ASIC2: variants seen among roughly 807,000 people sequenced by gnomAD.
ASIC2 encodes the protein acid-sensing ion channel 2.
Under a neutral mutation model 57.3 loss-of-function variants are expected in ASIC2, and 25 were observed. The observed-to-expected ratio is 0.44, with a 90% CI of 0.32 to 0.61. The LOEUF (loss-of-function observed/expected upper bound fraction) is 0.61, where lower values mean the gene tolerates loss of function less well. Among genes scored for constraint, ASIC2 ranks in the 20% least tolerant of loss-of-function variants. The pLI, the probability that ASIC2 is intolerant of heterozygous loss-of-function variation, is 0.06. For missense variants in ASIC2, 641 were observed against 738.1 expected (o/e 0.87, Z 1.52); for synonymous variants, 319 against 307.5 (o/e 1.04, Z -0.39).
intron 1 of ASIC2, among the ~76,000 whole-genome samples, chr17:34,016,852 G>T (rs1211075012): frequency 6.6e-6 from 1 of 152,164 alleles, no homozygotes. Flanking sequence ...AACAACAATT[G>T]TAAGTGCTTT....
chr17:33,875,542 C>T (rs1914525141), intron 1 of ASIC2, among the ~76,000 whole-genome samples: 1 of 152,206 alleles, frequency 6.6e-6, no homozygotes, highest in African/African-American at 2.4e-5. Flanking sequence ...TTTGTGTCTC[C>T]TTTACTTAAC....
At chr17:33,346,353 G>A (rs542541344) in intron 1 of ASIC2, among the ~76,000 whole-genome samples, 50 of 152,228 alleles carry the variant, frequency 3.3e-4, no homozygotes, top group African/African-American at 1.2e-3. Flanking sequence ...GGCTGGAGGA[G>A]AGGGCAGTGA....
chr17:33,494,591 AC>A (rs1217656659), intron 1 of ASIC2, among the ~76,000 whole-genome samples: 1 of 151,994 alleles, frequency 6.6e-6, no homozygotes, highest in Non-Finnish European at 1.5e-5. Flanking sequence ...CATTCAGAAA[AC>A]CCTCACGGCT....
intron 1 of ASIC2, among the ~76,000 whole-genome samples, chr17:33,249,034 A>T (rs953059501): frequency 6.6e-6 from 1 of 152,116 alleles, no homozygotes; most frequent in African/African-American, 2.4e-5. Context: ...GATGGTTTAG[A>T]TGGGATGGGA....
intron 1 of ASIC2, among the ~76,000 whole-genome samples, chr17:33,915,891 A>T (rs1915573707): frequency 6.6e-6 from 1 of 152,176 alleles, no homozygotes; most frequent in Non-Finnish European, 1.5e-5. Flanking sequence ...GATTGAAGGC[A>T]CACCAGGCCT....
chr17:33,166,709 G>C (rs971600464), intron 1 of ASIC2, among the ~76,000 whole-genome samples: 1 of 152,228 alleles, frequency 6.6e-6, no homozygotes, highest in Admixed American at 6.5e-5. Context: ...TGAGAGTCCA[G>C]ACCACAGGCA....
chr17:33,464,540 C>CTTTCTTTCTTTCTTTCTTTCTTTCTT (rs59312185), intron 1 of ASIC2, among the ~76,000 whole-genome samples: 3 of 49,404 alleles, frequency 6.1e-5, no homozygotes, highest in African/African-American at 2.4e-4. Flanking sequence ...TTCTTTCTTT[C>CTTTCTTTCTTTCTTTCTTTCTTTCTT]TCTTTCTTTC....
chr17:33,924,623 G>A (rs77744415), intron 1 of ASIC2, among the ~76,000 whole-genome samples: 2,689 of 152,220 alleles, frequency 0.018, 35 homozygotes, highest in Non-Finnish European at 0.028. Flanking sequence ...CTGTGGAGAC[G>A]CTGTCATCTT....
At chr17:33,490,566 A>T (rs908340030) in intron 1 of ASIC2, among the ~76,000 whole-genome samples, 1 of 152,120 alleles carries the variant, frequency 6.6e-6, no homozygotes, top group Non-Finnish European at 1.5e-5. Flanking sequence ...GTCTCATGAG[A>T]TCTGATGATT....
At chr17:33,155,227 C>A (rs1242556371) in intron 1 of ASIC2, among the ~76,000 whole-genome samples, 4 of 152,266 alleles carry the variant, frequency 2.6e-5, no homozygotes, top group Admixed American at 2.6e-4. Context: ...TGCTGGCTGA[C>A]CACGGCTGTT....
intron 1 of ASIC2, among the ~76,000 whole-genome samples, chr17:33,190,085 G>A (rs1906353841): frequency 1.3e-5 from 2 of 151,926 alleles, no homozygotes; most frequent in African/African-American, 2.4e-5. Flanking sequence ...TTGGAAAGGA[G>A]GAAGTAAAAC....
chr17:33,084,222 T>C (rs2092125430), intron 3 of ASIC2, among the ~76,000 whole-genome samples: 1 of 152,196 alleles, frequency 6.6e-6, no homozygotes, highest in South Asian at 2.1e-4. Context: ...CTTCTCATTT[T>C]ACAGATGGAA....
chr17:33,382,908 G>C (rs1254207695), intron 1 of ASIC2, among the ~76,000 whole-genome samples: 1 of 152,028 alleles, frequency 6.6e-6, no homozygotes, highest in Non-Finnish European at 1.5e-5. Context: ...TCCCAGACTT[G>C]CCATGTCTCT....
chr17:33,977,172 A>G (rs1231124680), intron 1 of ASIC2, among the ~76,000 whole-genome samples: 2 of 152,058 alleles, frequency 1.3e-5, no homozygotes, highest in Non-Finnish European at 2.9e-5. Flanking sequence ...GGGCTCGTCA[A>G]TTCCACCGGG....
At position 34,035,129 on chromosome 17, in the gene ASIC2, C is replaced by T. The variant is rs1486331252; in HGVS notation, c.555+120849G>A. Among the ~76,000 whole-genome samples the T allele has an allele frequency of 3.3e-5, 5 of 149,756 alleles. No homozygotes were observed. In the South Asian group the frequency reaches 6.3e-4, roughly 19 times the overall value. On this transcript the variant is annotated intron_variant, in intron 1 of 9. Transcript: ENST00000359872. ...AAACTATACTACAAGTCTACAGTAA[C>T]CAAAACAGCATGGTACTGGTACCAA...
intron 1 of ASIC2, among the ~76,000 whole-genome samples, chr17:33,940,347 G>C (rs1428495167): frequency 1.3e-5 from 2 of 152,200 alleles, no homozygotes; most frequent in African/African-American, 4.8e-5. Context: ...TGCAACAGCA[G>C]TTTCCAGAGG....
intron 1 of ASIC2, among the ~76,000 whole-genome samples, chr17:33,663,366 T>C (rs17783142): frequency 6.6e-6 from 1 of 152,148 alleles, no homozygotes; most frequent in Non-Finnish European, 1.5e-5. Context: ...GCTTTGTAAA[T>C]GGCTCTCAGT....
At chr17:33,701,243 A>T (rs907627601) in intron 1 of ASIC2, among the ~76,000 whole-genome samples, 3 of 152,052 alleles carry the variant, frequency 2.0e-5, no homozygotes, top group Non-Finnish European at 4.4e-5. Context: ...TGGTGGGCGG[A>T]GGGGGCATAT....
chr17:33,564,924 C>A (rs892006977), intron 1 of ASIC2, among the ~76,000 whole-genome samples: 2 of 152,200 alleles, frequency 1.3e-5, no homozygotes, highest in Non-Finnish European at 2.9e-5. Context: ...TCCTTTAATT[C>A]GCCCATCCCT....
Sources: allele counts gnomAD v4.1 joint callset (sites outside exome capture counted in the v4.1 genomes callset), GRCh38; gene constraint gnomAD v4.1.1; transcripts MANE v1.5; gene names NCBI Gene and HGNC (gene_info 2026-07-23, HGNC 2026-07-21).